The following ROBO2 variants were observed in gnomAD, a reference collection of about 807,000 sequenced individuals.
ROBO2 encodes the protein roundabout guidance receptor 2, also known as roundabout homolog 2.
In ROBO2, 53 loss-of-function variants were observed where a neutral mutation model predicts 160.8. The ratio of observed to expected loss-of-function variants is 0.33; its 90% CI spans 0.26 to 0.41. ROBO2 has a LOEUF of 0.41. ROBO2 is among the 10% of genes least tolerant of loss of function. The probability of loss-of-function intolerance (pLI) is 1.00; values close to 1 mark genes in which losing one functional copy is unlikely to be tolerated. For synonymous variants in ROBO2, 664 were observed against 611.7 expected, an observed-to-expected ratio of 1.09 and a Z score of -1.26; for missense variants, 1,577 against 1,722.4, an observed-to-expected ratio of 0.92 and a Z score of 1.49.
At chr3:77,527,101 A>G (rs796526) in intron 6 of ROBO2, among the ~76,000 whole-genome samples, 114,383 of 151,246 alleles carry the variant, frequency 0.76, 43,516 homozygotes, top group Admixed American at 0.82. Context: ...GTAACACAAG[A>G]CTGTTTAACT....
chr3:76,016,128 T>G (rs2107640535), intron 2 of ROBO2, among the ~76,000 whole-genome samples: 1 of 152,130 alleles, frequency 6.6e-6, no homozygotes, highest in South Asian at 2.1e-4. Context: ...CAAATAAAAA[T>G]TATACCCCAT....
chr3:77,099,071 CTT>C (rs750626067), intron 2 of ROBO2, among the ~76,000 whole-genome samples: 2 of 121,242 alleles, frequency 1.6e-5, no homozygotes, highest in Admixed American at 9.4e-5. Context: ...TTCTTTCTTT[CTT>C]TTTTTTTTTT....
At chr3:76,654,416 C>T (rs770378695) in intron 2 of ROBO2, among the ~76,000 whole-genome samples, 10 of 152,200 alleles carry the variant, frequency 6.6e-5, no homozygotes, top group African/African-American at 9.6e-5. Context: ...ATCTTGTATT[C>T]GGTGAAGGTA....
chr3:76,058,979 T>G (rs1166458744), intron 2 of ROBO2, among the ~76,000 whole-genome samples: 2 of 151,262 alleles, frequency 1.3e-5, no homozygotes, highest in African/African-American at 4.9e-5. Context: ...GGACATGAAC[T>G]CATCATTTTT....
exon 8 of ROBO2, chr3:77,550,862 C>G: frequency 6.2e-7 from 1 of 1,613,106 alleles, no homozygotes; most frequent in Non-Finnish European, 8.5e-7. Flanking sequence ...ACAGTAGATG[C>G]TCAGTGTCAC....
intron 2 of ROBO2, among the ~76,000 whole-genome samples, chr3:77,264,066 TCG>T (rs1291921081): frequency 6.6e-6 from 1 of 152,132 alleles, no homozygotes; most frequent in Non-Finnish European, 1.5e-5. Context: ...ATCACCATCA[TCG>T]TTATCAAGTT....
intron 2 of ROBO2, among the ~76,000 whole-genome samples, chr3:77,032,369 C>G (rs536297192): frequency 7.9e-5 from 12 of 152,190 alleles, no homozygotes; most frequent in Admixed American, 5.2e-4. Flanking sequence ...AATTATGAGG[C>G]TAAACCACCT....
chr3:77,159,195 T>C (rs2078276494), intron 2 of ROBO2, among the ~76,000 whole-genome samples: 1 of 152,162 alleles, frequency 6.6e-6, no homozygotes, highest in South Asian at 2.1e-4. Flanking sequence ...ATTAGGGTCC[T>C]GTAATGTCTG....
At chr3:77,220,197 A>C (rs1045376531) in intron 2 of ROBO2, among the ~76,000 whole-genome samples, 6 of 152,084 alleles carry the variant, frequency 3.9e-5, no homozygotes, top group African/African-American at 9.7e-5. Context: ...TTTTTAGTAC[A>C]GATAGGGTTT....
intron 2 of ROBO2, among the ~76,000 whole-genome samples, chr3:76,012,165 A>T (rs983442953): frequency 2.0e-5 from 3 of 152,218 alleles, no homozygotes; most frequent in African/African-American, 4.8e-5. Context: ...GACAGCCAAC[A>T]TTCATATATT....
At chr3:76,780,835 A>G (rs1279260423) in intron 2 of ROBO2, among the ~76,000 whole-genome samples, 4 of 150,610 alleles carry the variant, frequency 2.7e-5, no homozygotes, top group Admixed American at 6.6e-5. Flanking sequence ...ATATTATTTG[A>G]AATCAGAAAG....
At chr3:76,027,158 A>G (rs1021101737) in intron 2 of ROBO2, among the ~76,000 whole-genome samples, 2 of 152,016 alleles carry the variant, frequency 1.3e-5, no homozygotes, top group African/African-American at 4.8e-5. Flanking sequence ...CTGTAAAGAA[A>G]TCCATACACT....
chr3:76,736,245 G>A (rs915764992), intron 2 of ROBO2, among the ~76,000 whole-genome samples: 1 of 122,364 alleles, frequency 8.2e-6, no homozygotes, highest in African/African-American at 4.1e-5. Context: ...TCGCGTCCCT[G>A]CACTCCAGCC....
intron 2 of ROBO2, among the ~76,000 whole-genome samples, chr3:77,270,836 G>A (rs1395048081): frequency 1.3e-5 from 2 of 151,938 alleles, no homozygotes; most frequent in African/African-American, 2.4e-5. Flanking sequence ...CCAGCTACTC[G>A]GGAGGCTGAG....
At chr3:76,385,647 C>G (rs1323063873) in intron 2 of ROBO2, among the ~76,000 whole-genome samples, 1 of 152,218 alleles carries the variant, frequency 6.6e-6, no homozygotes, top group Non-Finnish European at 1.5e-5. Flanking sequence ...TTCAAAGGCT[C>G]TGAAAATCAC....
chr3:76,700,348 T>C (rs2093022298), intron 2 of ROBO2, among the ~76,000 whole-genome samples: 1 of 152,100 alleles, frequency 6.6e-6, no homozygotes, highest in African/African-American at 2.4e-5. Flanking sequence ...ACTCATCTTT[T>C]CCCCCCTTTC....
chr3:76,650,520 G>A (rs1367092539), intron 2 of ROBO2, among the ~76,000 whole-genome samples: 5 of 151,002 alleles, frequency 3.3e-5, no homozygotes, highest in African/African-American at 1.2e-4. Context: ...CTGTTGTGAG[G>A]GAAAATGTTT....
At chr3:76,107,275 A>G (rs1250261280) in intron 2 of ROBO2, among the ~76,000 whole-genome samples, 4 of 152,102 alleles carry the variant, frequency 2.6e-5, no homozygotes, top group African/African-American at 9.7e-5. Context: ...AGTAAAGTGA[A>G]TGGAAAGTTA....
intron 2 of ROBO2, among the ~76,000 whole-genome samples, chr3:76,218,398 G>T (rs1043355216): frequency 1.3e-5 from 2 of 152,158 alleles, no homozygotes; most frequent in Non-Finnish European, 2.9e-5. Context: ...TGAAGTGATT[G>T]TATATCTAGA....
Sources: gnomAD v4.1 joint callset for allele counts (sites outside exome capture counted in the v4.1 genomes callset) on GRCh38, gnomAD v4.1.1 for gene constraint, MANE v1.5 for transcripts, NCBI Gene and HGNC (gene_info 2026-07-23, HGNC 2026-07-21) for gene names.